The following LMBRD1 variants were observed in gnomAD, a reference collection of about 807,000 sequenced individuals.
LMBRD1 encodes LMBR1 domain containing 1, also known as lysosomal cobalamin transport escort protein LMBD1.
Under a neutral mutation model 74.8 loss-of-function variants are expected in LMBRD1, and 64 were observed. The ratio of observed to expected loss-of-function variants is 0.86; its 90% CI spans 0.70 to 1.05. LMBRD1 has a LOEUF of 1.05. Among genes scored for constraint, LMBRD1 ranks in the 50% least tolerant of loss-of-function variants. The pLI is 0.00. For synonymous variants in LMBRD1, 204 were observed against 216.3 expected, an observed-to-expected ratio of 0.94 and a Z score of 0.50; for missense variants, 652 against 645.9, an observed-to-expected ratio of 1.01 and a Z score of -0.10.
At chr6:69,695,221 C>A (rs1345985500) in intron 14 of LMBRD1, among the ~76,000 whole-genome samples, 1 of 151,942 alleles carries the variant, frequency 6.6e-6, no homozygotes. Context: ...AGTTCCATCC[C>A]ATTATCCCTG....
intron 12 of LMBRD1, 79 bp downstream of exon 12, chr6:69,700,686 C>G: frequency 9.9e-7 from 1 of 1,014,562 alleles, no homozygotes; most frequent in Non-Finnish European, 1.4e-6. Flanking sequence ...CTACTATATT[C>G]TAAATCTAAG....
At chr6:69,697,713 C>T in intron 13 of LMBRD1, 72 bp from the exon 14 acceptor site, 1 of 898,900 alleles carries the variant, frequency 1.1e-6, no homozygotes, top group South Asian at 1.4e-5. Context: ...AAAGTAATCA[C>T]TATGAACTGT....
At chr6:69,793,325 A>C (rs1364717842) in intron 1 of LMBRD1, among the ~76,000 whole-genome samples, 1 of 152,248 alleles carries the variant, frequency 6.6e-6, no homozygotes, top group Non-Finnish European at 1.5e-5. Flanking sequence ...GAATGAGAAG[A>C]GATGAATCTT....
intron 3 of LMBRD1, among the ~76,000 whole-genome samples, chr6:69,759,944 A>G (rs1352108624): frequency 6.6e-6 from 1 of 152,190 alleles, no homozygotes; most frequent in Non-Finnish European, 1.5e-5. Context: ...AACATAGACT[A>G]GTGAACTCTC....
intron 3 of LMBRD1, among the ~76,000 whole-genome samples, chr6:69,773,189 C>T (rs530141505): frequency 6.6e-6 from 1 of 151,962 alleles, no homozygotes; most frequent in Non-Finnish European, 1.5e-5. Context: ...GCAAGGGTGA[C>T]TGCTCATGTG....
intron 3 of LMBRD1, among the ~76,000 whole-genome samples, chr6:69,779,453 ATGT>A (rs554029543): frequency 5.1e-4 from 78 of 152,272 alleles, no homozygotes; most frequent in African/African-American, 1.8e-3. Context: ...ACTGAGAATG[ATGT>A]TTGAGGGAGG....
intron 8 of LMBRD1, among the ~76,000 whole-genome samples, chr6:69,715,639 T>C (rs1038418561): frequency 2.0e-5 from 3 of 152,250 alleles, no homozygotes; most frequent in Admixed American, 1.3e-4. Context: ...CCCTTTCCTA[T>C]GGTTTTTACT....
At chr6:69,725,719 C>T (rs1434253645) in intron 7 of LMBRD1, among the ~76,000 whole-genome samples, 1 of 152,078 alleles carries the variant, frequency 6.6e-6, no homozygotes, top group African/African-American at 2.4e-5. Context: ...TCTCTTGCCA[C>T]ATACAAAAAT....
intron 7 of LMBRD1, among the ~76,000 whole-genome samples, chr6:69,719,739 A>C (rs1766573383): frequency 6.6e-6 from 1 of 152,216 alleles, no homozygotes; most frequent in Non-Finnish European, 1.5e-5. Context: ...ACCATTATTC[A>C]GAATCATTAC....
intron 7 of LMBRD1, among the ~76,000 whole-genome samples, chr6:69,722,768 AGAAG>A (rs1766644119): frequency 1.3e-5 from 2 of 152,324 alleles, no homozygotes; most frequent in East Asian, 3.9e-4. Flanking sequence ...AAGACAAGAA[AGAAG>A]GAAAGAAGGG....
At chr6:69,730,812 C>A (rs1766839310) in intron 7 of LMBRD1, among the ~76,000 whole-genome samples, 1 of 152,054 alleles carries the variant, frequency 6.6e-6, no homozygotes, top group Admixed American at 6.6e-5. Context: ...AAGCAACAGT[C>A]AAGTGCTTCA....
intron 3 of LMBRD1, among the ~76,000 whole-genome samples, chr6:69,758,508 T>C (rs1267042892): frequency 6.6e-5 from 10 of 152,100 alleles, no homozygotes; most frequent in Admixed American, 5.9e-4. Context: ...GCTTAAACTC[T>C]AGCACCATTT....
chr6:69,752,718 T>C (rs1380963851), intron 3 of LMBRD1, among the ~76,000 whole-genome samples: 1 of 152,208 alleles, frequency 6.6e-6, no homozygotes, highest in African/African-American at 2.4e-5. Flanking sequence ...CTTTAACTTT[T>C]GTGTTCATTC....
chr6:69,747,129 G>A (rs150612594), intron 5 of LMBRD1, among the ~76,000 whole-genome samples: 22 of 151,632 alleles, frequency 1.5e-4, no homozygotes, highest in East Asian at 3.9e-4. Context: ...TTGGATATAC[G>A]TCATTTAGCA....
intron 14 of LMBRD1, among the ~76,000 whole-genome samples, chr6:69,696,642 A>G (rs544843873): frequency 1.3e-5 from 2 of 152,140 alleles, no homozygotes; most frequent in South Asian, 4.2e-4. Flanking sequence ...CTTAAAATGT[A>G]GCTCTGCTAT....
intron 15 of LMBRD1, 22 bp from the exon 16 acceptor site, chr6:69,676,293 G>T (rs1311983194): frequency 6.2e-7 from 1 of 1,607,650 alleles, no homozygotes; most frequent in African/African-American, 1.3e-5. Flanking sequence ...AATAAGCCAT[G>T]TGTTATTTTT....
At chr6:69,765,127 C>T (rs1765452752) in intron 3 of LMBRD1, among the ~76,000 whole-genome samples, 1 of 151,926 alleles carries the variant, frequency 6.6e-6, no homozygotes, top group South Asian at 2.1e-4. Context: ...GACAGGGTTT[C>T]ACCATGTTGG....
At position 69,719,037 on chromosome 6, in the gene LMBRD1, A is replaced by G; in HGVS notation, c.681T>C (p.Thr227=). ...CCAAACGTTCATAAGCAGCGCTTCT[A>G]GTGCCTTTTATCAGATTTAAAGGTA... The part of the protein sequence containing the change: ...SALPLNLIKG[T]RSAAYERLEN... Residue 227 remains threonine (T), a synonymous_variant, in exon 8 of 16, where the codon ACT becomes ACC. Coordinates refer to ENST00000649934, the MANE Select transcript of LMBRD1 (RefSeq NM_018368.4). 1 of 1,612,880 alleles carries G rather than the reference A, an allele frequency of 6.2e-7. No homozygotes were observed. Among genetic ancestry groups the G allele is most frequent in the Non-Finnish European group, 8.5e-7 (1 of 1,179,094 alleles).
intron 5 of LMBRD1, among the ~76,000 whole-genome samples, chr6:69,748,282 C>A (rs1765040730): frequency 6.6e-6 from 1 of 152,090 alleles, no homozygotes; most frequent in Non-Finnish European, 1.5e-5. Context: ...GGTTTGCATA[C>A]AAGGGACCTC....
Sources: gnomAD v4.1 joint callset for allele counts (sites outside exome capture counted in the v4.1 genomes callset) on GRCh38, gnomAD v4.1.1 for gene constraint, MANE v1.5 for transcripts, NCBI Gene and HGNC (gene_info 2026-07-23, HGNC 2026-07-21) for gene names.